Variants in ATP10D observed in about 807,000 individuals in gnomAD.
ATP10D encodes the protein phospholipid-transporting ATPase VD.
ATP10D carries 89 observed loss-of-function variants against 144.8 expected under a neutral mutation model. That is an observed-to-expected ratio of 0.61 (90% CI 0.52 to 0.73). The LOEUF (loss-of-function observed/expected upper bound fraction) is 0.73, where lower values mean the gene tolerates loss of function less well. Among genes scored for constraint, ATP10D ranks in the 30% least tolerant of loss-of-function variants. The pLI, the probability that ATP10D is intolerant of heterozygous loss-of-function variation, is 0.00. For missense variants in ATP10D, 1,603 were observed against 1,714.8 expected (o/e 0.93, Z 1.15); for synonymous variants, 571 against 615.1 (o/e 0.93, Z 1.06).
Position 47,563,691 on chromosome 4 carries a change from G to T in ATP10D, c.2779G>T (p.Ala927Ser). The T allele has an allele frequency of 6.2e-7, 1 of 1,613,992 alleles. No homozygotes were observed. Among genetic ancestry groups the T allele is most frequent in the African/African-American group, 1.3e-5 (1 of 75,010 alleles). ...WMLTGDKQET[A>S]VNIAYACKLL... ...GCTGACAGGGGACAAGCAGGAGACA[G>T]CTGTCAACATAGCTTATGCATGCAA... Residue 927 changes from alanine to serine, a missense_variant, in exon 15 of 23, where the codon GCT becomes TCT. Ala to Ser is a moderately conservative substitution (Grantham distance 99). Transcript: ENST00000273859.
chr4:47,575,166 A>G (rs1263522883), intron 18 of ATP10D, among the ~76,000 whole-genome samples: 1 of 152,158 alleles, frequency 6.6e-6, no homozygotes, highest in Non-Finnish European at 1.5e-5. Context: ...CTAAGGTAGT[A>G]TAACTCTCAT....
intron 15 of ATP10D, among the ~76,000 whole-genome samples, chr4:47,564,124 T>A (rs1340220812): frequency 6.6e-6 from 1 of 152,178 alleles, no homozygotes; most frequent in Non-Finnish European, 1.5e-5. Context: ...ACTCTTGACC[T>A]CAAGTGATCC....
intron 10 of ATP10D, among the ~76,000 whole-genome samples, chr4:47,548,892 T>C (rs974638500): frequency 1.1e-4 from 16 of 152,298 alleles, no homozygotes; most frequent in African/African-American, 3.8e-4. Flanking sequence ...TGCAAATATA[T>C]CATATAAAAT....
chr4:47,565,182 G>A (rs1344037612), intron 15 of ATP10D, among the ~76,000 whole-genome samples: 1 of 152,060 alleles, frequency 6.6e-6, no homozygotes, highest in Non-Finnish European at 1.5e-5. Context: ...GGATGGTCTC[G>A]ACCTCCTGAC....
chr4:47,503,193 C>T (rs113894965), intron 1 of ATP10D, among the ~76,000 whole-genome samples: 2,113 of 152,192 alleles, frequency 0.014, 28 homozygotes, highest in Non-Finnish European at 0.019. Context: ...CAGAGTGAGA[C>T]TCCATCTTAA....
intron 5 of ATP10D, among the ~76,000 whole-genome samples, chr4:47,527,839 A>G (rs2109415410): frequency 6.6e-6 from 1 of 152,288 alleles, no homozygotes; most frequent in South Asian, 2.1e-4. Flanking sequence ...AAATTTTGGA[A>G]AAAGCTAAGC....
chr4:47,546,088 G>A (rs565935873), intron 9 of ATP10D, among the ~76,000 whole-genome samples: 1 of 152,312 alleles, frequency 6.6e-6, no homozygotes, highest in South Asian at 2.1e-4. Flanking sequence ...AGGAAAAAAT[G>A]GTCAAGTCTG....
chr4:47,502,255 A>G (rs947425117), intron 1 of ATP10D, among the ~76,000 whole-genome samples: 13 of 152,308 alleles, frequency 8.5e-5, no homozygotes, highest in East Asian at 5.8e-4. Context: ...CGGGCGGATC[A>G]CGAGGTCAGA....
chr4:47,536,352 TCA>T, intron 7 of ATP10D, 83 bp from the exon 8 acceptor site: 1 of 1,512,264 alleles, frequency 6.6e-7, no homozygotes, highest in Non-Finnish European at 9.0e-7. Flanking sequence ...ATGAATACTC[TCA>T]TTCCTTCTCC....
intron 1 of ATP10D, among the ~76,000 whole-genome samples, chr4:47,506,151 T>C (rs1166668059): frequency 6.6e-6 from 1 of 152,202 alleles, no homozygotes; most frequent in African/African-American, 2.4e-5. Flanking sequence ...TTAGAAATAA[T>C]GTAATTTTAC....
chr4:47,582,080 G>C lies in ATP10D; in HGVS notation c.3753+16G>C. 1 of 1,589,254 alleles carries C rather than the reference G, an allele frequency of 6.3e-7. No individual in the cohort carries two copies. Among genetic ancestry groups the C allele is most frequent in the Non-Finnish European group, 8.6e-7 (1 of 1,157,680 alleles). On this transcript the variant is annotated intron_variant, in intron 21 of 22. Coordinates refer to ENST00000273859, the MANE Select transcript of ATP10D (RefSeq NM_020453.4). ...CAAGAGTTTGGTGAGTGGTTTTCTTGCCTCTGAAGTAGCCTAAAATCTTTT... is the reference window on the plus strand; with the variant it reads ...CAAGAGTTTGGTGAGTGGTTTTCTTCCCTCTGAAGTAGCCTAAAATCTTTT...
intron 10 of ATP10D, among the ~76,000 whole-genome samples, chr4:47,550,942 G>C (rs148246168): frequency 3.3e-5 from 5 of 152,354 alleles, no homozygotes; most frequent in African/African-American, 1.2e-4. Context: ...ATTTAATAGA[G>C]TGAAATAGAG....
rs1229307058 is a variant in ATP10D at position 47,592,229 on chromosome 4, A to G, written c.*848A>G. 1 of 152,548 alleles carries G rather than the reference A, an allele frequency of 6.6e-6. No homozygotes were observed. The highest frequency in any genetic ancestry group is 2.4e-5 in the African/African-American group (1 of 41,430). 9.4% of individuals were successfully genotyped at this position (152,548 alleles called of 1,614,324 possible). A position where few individuals can be genotyped will look rare whatever the true frequency, so the allele number is the denominator to read the frequency against. On this transcript the variant is annotated 3_prime_UTR_variant, in exon 23 of 23. Transcript: ENST00000273859. ...CCCATTGGGTGATTTCCTGTATTTT[A>G]AAACTGACAGTAGCCTGATCAAAGT...
intron 5 of ATP10D, among the ~76,000 whole-genome samples, chr4:47,533,916 A>C (rs1295617933): frequency 6.6e-6 from 1 of 152,166 alleles, no homozygotes. Flanking sequence ...TAAATGAGTC[A>C]CAACCACAAT....
chr4:47,589,597 T>C (rs140471266), intron 22 of ATP10D, among the ~76,000 whole-genome samples: 1,881 of 152,280 alleles, frequency 0.012, 13 homozygotes, highest in Non-Finnish European at 0.021. Context: ...AGTAATGCCA[T>C]TAGCAAATAA....
chr4:47,526,244 T>C (rs1204096996), intron 5 of ATP10D, among the ~76,000 whole-genome samples: 2 of 152,242 alleles, frequency 1.3e-5, no homozygotes, highest in Non-Finnish European at 2.9e-5. Context: ...AAATCAGGTT[T>C]GGTTTAACAT....
intron 19 of ATP10D, among the ~76,000 whole-genome samples, chr4:47,579,947 G>A (rs1445137139): frequency 6.6e-6 from 1 of 152,180 alleles, no homozygotes; most frequent in African/African-American, 2.4e-5. Context: ...GGCTGATTTT[G>A]GAAGATTGGA....
chr4:47,488,461 A>AC (rs1714886250), intron 1 of ATP10D, among the ~76,000 whole-genome samples: 1 of 151,618 alleles, frequency 6.6e-6, no homozygotes, highest in Non-Finnish European at 1.5e-5. Context: ...TATTTCCCCC[A>AC]CCCCCTAGAA....
At chr4:47,507,912 G>A (rs1294551704) in intron 1 of ATP10D, among the ~76,000 whole-genome samples, 1 of 152,188 alleles carries the variant, frequency 6.6e-6, no homozygotes, top group African/African-American at 2.4e-5. Flanking sequence ...GGGTGATATG[G>A]TTAACCAGCC....
Sources: gnomAD v4.1 joint callset for allele counts (sites outside exome capture counted in the v4.1 genomes callset) on GRCh38, gnomAD v4.1.1 for gene constraint, MANE v1.5 for transcripts, NCBI Gene and HGNC (gene_info 2026-07-23, HGNC 2026-07-21) for gene names.